CNTNAP2: variants seen among roughly 807,000 people sequenced by gnomAD.
CNTNAP2 encodes contactin associated protein 2.
A neutral mutation model predicts 155.2 loss-of-function variants in CNTNAP2; 98 were observed. The observed-to-expected ratio is 0.63, with a 90% CI of 0.54 to 0.75. The LOEUF (loss-of-function observed/expected upper bound fraction) is 0.75. CNTNAP2 is among the 30% of genes least tolerant of loss of function. The pLI is 0.00. For synonymous variants in CNTNAP2, 651 were observed against 631.2 expected (o/e 1.03, Z -0.47); for missense variants, 1,727 against 1,688.1 (o/e 1.02, Z -0.40).
At chr7:146,269,537 A>G (rs1800047175) in intron 1 of CNTNAP2, among the ~76,000 whole-genome samples, 1 of 152,182 alleles carries the variant, frequency 6.6e-6, no homozygotes, top group South Asian at 2.1e-4. Context: ...AAGTATTGCT[A>G]GTTTTGGTTT....
chr7:146,483,326 T>TATAC lies in CNTNAP2; in HGVS notation c.98-290941_98-290938dup, dbSNP rs1554439605. On this transcript the variant is annotated intron_variant, in intron 1 of 23. Transcript: ENST00000361727. Reference sequence around the variant, plus strand: ...ATATATATATATATATATATATATATATACATATATATATATTTAAGCACA... The same window carrying TATAC: ...ATATATATATATATATATATATATATATACATACATATATATATATTTAAGCACA... Among the ~76,000 whole-genome samples the TATAC allele has an allele frequency of 6.9e-3, 547 of 79,174 alleles. 6 individuals are homozygous for TATAC. Among genetic ancestry groups the TATAC allele is most frequent in the Non-Finnish European group, 9.9e-3 (424 of 42,736 alleles). 51.9% of individuals were successfully genotyped at this position (79,174 alleles called of 152,430 possible).
intron 1 of CNTNAP2, among the ~76,000 whole-genome samples, chr7:146,650,554 G>T (rs1221785061): frequency 6.6e-6 from 1 of 151,948 alleles, no homozygotes; most frequent in Admixed American, 6.6e-5. Flanking sequence ...GGGGTGGGGG[G>T]CTAGGAGGAA....
intron 22 of CNTNAP2, among the ~76,000 whole-genome samples, chr7:148,391,967 C>T (rs1435917466): frequency 6.6e-6 from 1 of 152,192 alleles, no homozygotes; most frequent in Non-Finnish European, 1.5e-5. Flanking sequence ...GACCAAAAGC[C>T]ACATCCTAGG....
intron 5 of CNTNAP2, among the ~76,000 whole-genome samples, chr7:147,119,768 G>C (rs1801065193): frequency 6.6e-6 from 1 of 151,806 alleles, no homozygotes; most frequent in Admixed American, 6.6e-5. Context: ...GGAGAGGAAA[G>C]AAAGAAAGAA....
intron 8 of CNTNAP2, among the ~76,000 whole-genome samples, chr7:147,262,215 C>G (rs549885876): frequency 6.6e-6 from 1 of 152,090 alleles, no homozygotes; most frequent in African/African-American, 2.4e-5. Context: ...CACTTTGAAA[C>G]GTTTAAAAAA....
At chr7:148,194,390 T>C (rs1795243311) in intron 18 of CNTNAP2, among the ~76,000 whole-genome samples, 1 of 152,224 alleles carries the variant, frequency 6.6e-6, no homozygotes, top group African/African-American at 2.4e-5. Flanking sequence ...TCTTTTCTTA[T>C]TCATATTTGT....
chr7:148,092,537 C>A (rs1037826053), intron 15 of CNTNAP2, among the ~76,000 whole-genome samples: 9 of 152,180 alleles, frequency 5.9e-5, no homozygotes, highest in Non-Finnish European at 1.2e-4. Context: ...AGTGAACCAG[C>A]ACCTCCTGCC....
chr7:146,640,677 G>C (rs1319892892), intron 1 of CNTNAP2, among the ~76,000 whole-genome samples: 1 of 152,190 alleles, frequency 6.6e-6, no homozygotes, highest in African/African-American at 2.4e-5. Context: ...ATTGCTTCCT[G>C]TAAAAGAGTC....
At chr7:148,105,583 T>A (rs1302725301) in intron 15 of CNTNAP2, among the ~76,000 whole-genome samples, 1 of 139,046 alleles carries the variant, frequency 7.2e-6, no homozygotes, top group Non-Finnish European at 1.5e-5. Flanking sequence ...ATTTTATTTT[T>A]TATTTTTTTT....
At chr7:147,612,095 C>A (rs1801199351) in intron 12 of CNTNAP2, among the ~76,000 whole-genome samples, 1 of 152,154 alleles carries the variant, frequency 6.6e-6, no homozygotes, top group Non-Finnish European at 1.5e-5. Flanking sequence ...GCATCATAAT[C>A]TAACATTATG....
intron 13 of CNTNAP2, among the ~76,000 whole-genome samples, chr7:147,737,798 G>A (rs143064797): frequency 0.02 from 3,083 of 152,296 alleles, 94 homozygotes; most frequent in African/African-American, 0.07. Flanking sequence ...GAGGCTCTGT[G>A]GGCATAGGAC....
intron 1 of CNTNAP2, among the ~76,000 whole-genome samples, chr7:146,556,663 T>C (rs1264966121): frequency 6.6e-6 from 1 of 152,178 alleles, no homozygotes; most frequent in African/African-American, 2.4e-5. Flanking sequence ...AAAATTCTAA[T>C]CATTTCACTG....
At chr7:147,269,017 A>G (rs1477833344) in intron 8 of CNTNAP2, among the ~76,000 whole-genome samples, 1 of 152,156 alleles carries the variant, frequency 6.6e-6, no homozygotes, top group East Asian at 1.9e-4. Context: ...ATTTTTTAAG[A>G]TGTCAAGTGC....
At chr7:146,842,407 C>T (rs1397931824) in intron 3 of CNTNAP2, among the ~76,000 whole-genome samples, 2 of 151,960 alleles carry the variant, frequency 1.3e-5, no homozygotes, top group African/African-American at 4.8e-5. Context: ...CAGTATGCTA[C>T]GTGATGAGTG....
intron 21 of CNTNAP2, among the ~76,000 whole-genome samples, chr7:148,335,293 C>T (rs753068805): frequency 6.6e-6 from 1 of 152,170 alleles, no homozygotes; most frequent in Non-Finnish European, 1.5e-5. Flanking sequence ...GAAATCCAGG[C>T]CTGCCATGCC....
rs10553315 is a variant in CNTNAP2 at position 148,093,187 on chromosome 7, T to TAA, written c.2384-24918_2384-24917dup. On this transcript the variant is annotated intron_variant, in intron 15 of 23. Coordinates refer to ENST00000361727, the MANE Select transcript of CNTNAP2 (RefSeq NM_014141.6). ...AAATAGATATATCTGAGAGCTCTGC[T>TAA]AAAAAAAAAAAAAATTAAATTTTTT... 6.3e-4 allele frequency among the ~76,000 whole-genome samples: 92 copies of TAA among 145,410 alleles called. No homozygotes were observed. In the South Asian group the frequency reaches 7.2e-3, roughly 11 times the overall value.
At chr7:146,585,913 G>A (rs1454658426) in intron 1 of CNTNAP2, among the ~76,000 whole-genome samples, 2 of 152,074 alleles carry the variant, frequency 1.3e-5, no homozygotes, top group South Asian at 4.1e-4. Context: ...GCTGAAGTAG[G>A]AGGATTACTT....
At chr7:147,329,873 G>T (rs1481100549) in intron 9 of CNTNAP2, among the ~76,000 whole-genome samples, 1 of 152,050 alleles carries the variant, frequency 6.6e-6, no homozygotes, top group East Asian at 1.9e-4. Context: ...TCTTCAAGAG[G>T]CAACCCTAAG....
Position 148,182,324 on chromosome 7 carries a change from T to C in CNTNAP2, c.3010+9846T>C, listed in dbSNP as rs1795052643. On this transcript the variant is annotated intron_variant, in intron 18 of 23. Coordinates refer to ENST00000361727, the MANE Select transcript of CNTNAP2 (RefSeq NM_014141.6). ...CTGGTCTGATAAATTGTCCTGAGGG[T>C]TTTGCTTTTAGATTGCTCACATGTT... Among the ~76,000 whole-genome samples, 3 of 142,704 alleles carry C rather than the reference T, an allele frequency of 2.1e-5. No individual in the cohort carries two copies. In the South Asian group the frequency reaches 6.9e-4, roughly 33 times the overall value. 93.6% of individuals were successfully genotyped at this position (142,704 alleles called of 152,430 possible).
Sources: gnomAD v4.1 joint callset for allele counts (sites outside exome capture counted in the v4.1 genomes callset) on GRCh38, gnomAD v4.1.1 for gene constraint, MANE v1.5 for transcripts, NCBI Gene and HGNC (gene_info 2026-07-23, HGNC 2026-07-21) for gene names.